Variants in PARD3B observed in about 807,000 individuals in gnomAD.
PARD3B encodes partitioning defective 3 homolog B.
Under a neutral mutation model 130.2 loss-of-function variants are expected in PARD3B, and 103 were observed. The ratio of observed to expected loss-of-function variants is 0.79; its 90% confidence interval spans 0.67 to 0.93. The LOEUF is 0.93. Among genes scored for constraint, PARD3B ranks in the 40% least tolerant of loss-of-function variants. The pLI, the probability that PARD3B is intolerant of heterozygous loss-of-function variation, is 0.00. For missense variants in PARD3B, 1,609 were observed against 1,499.2 expected (o/e 1.07, Z -1.21); for synonymous variants, 583 against 553.2 (o/e 1.05, Z -0.76).
intron 3 of PARD3B, among the ~76,000 whole-genome samples, chr2:205,028,978 G>A (rs1014167823): frequency 4.6e-5 from 7 of 152,108 alleles, no homozygotes; most frequent in Non-Finnish European, 1.0e-4. Context: ...TAATCTGGTA[G>A]ATCTTGGTTA....
chr2:205,368,216 A>G (rs988840284), intron 18 of PARD3B, among the ~76,000 whole-genome samples: 1 of 152,244 alleles, frequency 6.6e-6, no homozygotes, highest in African/African-American at 2.4e-5. Context: ...AATAAAGGAT[A>G]TACCAATACT....
intron 1 of PARD3B, among the ~76,000 whole-genome samples, chr2:204,566,928 G>C (rs1193289391): frequency 6.6e-6 from 1 of 150,814 alleles, no homozygotes; most frequent in Non-Finnish European, 1.5e-5. Context: ...TCCCAGGCTA[G>C]AGTGTAGTGG....
At chr2:205,164,944 G>T (rs187704147) in intron 11 of PARD3B, among the ~76,000 whole-genome samples, 1 of 151,038 alleles carries the variant, frequency 6.6e-6, no homozygotes, top group Non-Finnish European at 1.5e-5. Context: ...ACACGTTTTT[G>T]TTCTAGCATT....
At chr2:204,736,294 T>C (rs1368850599) in intron 2 of PARD3B, among the ~76,000 whole-genome samples, 1 of 152,204 alleles carries the variant, frequency 6.6e-6, no homozygotes, top group Non-Finnish European at 1.5e-5. Context: ...TTCATTTCCA[T>C]AGCATTTGGG....
chr2:205,292,054 C>A lies in PARD3B; in HGVS notation c.2186-8476C>A, dbSNP rs2041628748. ...GCATGCTGCATAGGGCAGCCAAACA[C>A]CACTGGGTTCTATTCCTTGTGCTGT... On this transcript the variant is annotated intron_variant, in intron 16 of 22. Transcript: ENST00000406610. The surrounding 1 kb of genome is among the most constrained non-coding windows in gnomAD (Gnocchi z 5.3). 6.6e-6 allele frequency among the ~76,000 whole-genome samples: 1 copy of A among 152,178 alleles called. No individual in the cohort carries two copies. Among genetic ancestry groups the A allele is most frequent in the South Asian group, 2.1e-4 (1 of 4,828 alleles).
intron 1 of PARD3B, among the ~76,000 whole-genome samples, chr2:204,656,728 A>G (rs1313972271): frequency 2.0e-5 from 3 of 152,186 alleles, no homozygotes; most frequent in Non-Finnish European, 4.4e-5. Context: ...TACCTTCTAC[A>G]TTCTAAATAT....
chr2:205,506,319 G>A (rs1245100573), intron 21 of PARD3B, among the ~76,000 whole-genome samples: 1 of 144,708 alleles, frequency 6.9e-6, no homozygotes, highest in Non-Finnish European at 1.5e-5. Flanking sequence ...GTGACAGAGT[G>A]AGACTCTGTC....
rs912504566 is a variant in PARD3B, at chr2:204,688,969, C to T, written c.222+2687C>T. ...CACCTCCTAGGAAAGACTCTCACTC[C>T]AGGTGAGAAGTGGCATTAAGGAACT... On this transcript the variant is annotated intron_variant, in intron 2 of 22. Coordinates refer to ENST00000406610, the MANE Select transcript of PARD3B (RefSeq NM_001302769.2). Among the ~76,000 whole-genome samples the T allele has an allele frequency of 2.0e-5, 3 of 152,130 alleles. No homozygotes were observed. The East Asian group carries it at 5.8e-4, about 29-fold the overall frequency.
chr2:205,472,977 A>G (rs2048891468), intron 20 of PARD3B, among the ~76,000 whole-genome samples: 1 of 152,178 alleles, frequency 6.6e-6, no homozygotes, highest in Non-Finnish European at 1.5e-5. Context: ...GAATGAATGA[A>G]TGAATGGAAA....
intron 2 of PARD3B, among the ~76,000 whole-genome samples, chr2:204,771,006 A>G (rs2041349183): frequency 6.6e-6 from 1 of 152,082 alleles, no homozygotes; most frequent in Non-Finnish European, 1.5e-5. Context: ...AATTGAAATG[A>G]TATAAATTAG....
intron 1 of PARD3B, among the ~76,000 whole-genome samples, chr2:204,665,977 A>G (rs567254993): frequency 6.6e-6 from 1 of 152,312 alleles, no homozygotes; most frequent in African/African-American, 2.4e-5. Flanking sequence ...GCCTACTGGT[A>G]TGAATTTTCC....
intron 1 of PARD3B, among the ~76,000 whole-genome samples, chr2:204,579,322 C>T (rs1034007078): frequency 9.2e-5 from 14 of 151,742 alleles, no homozygotes; most frequent in Admixed American, 2.6e-4. Context: ...GGCCAGGGTC[C>T]GGTCCCTCCT....
At chr2:205,382,409 T>G (rs78357837) in intron 18 of PARD3B, among the ~76,000 whole-genome samples, 4,938 of 152,222 alleles carry the variant, frequency 0.032, 243 homozygotes, top group African/African-American at 0.11. Context: ...TGATGTATCT[T>G]ATAACTAGTG....
intron 22 of PARD3B, among the ~76,000 whole-genome samples, chr2:205,606,709 C>G (rs747842670): frequency 6.6e-6 from 1 of 152,232 alleles, no homozygotes; most frequent in Non-Finnish European, 1.5e-5. Context: ...AGGAATGTCT[C>G]TGTTTCCAGA....
intron 21 of PARD3B, among the ~76,000 whole-genome samples, chr2:205,529,831 G>C (rs2051508592): frequency 6.6e-6 from 1 of 152,138 alleles, no homozygotes; most frequent in Non-Finnish European, 1.5e-5. Flanking sequence ...TTTGAGTAGA[G>C]AACAGATGCA....
chr2:205,353,094 G>A (rs80119451), intron 18 of PARD3B, among the ~76,000 whole-genome samples: 7 of 152,214 alleles, frequency 4.6e-5, no homozygotes, highest in East Asian at 1.9e-4. Flanking sequence ...TCTTTAACTC[G>A]TTACTGTGTC....
intron 10 of PARD3B, among the ~76,000 whole-genome samples, chr2:205,140,538 T>C (rs896804950): frequency 6.9e-6 from 1 of 144,598 alleles, no homozygotes; most frequent in East Asian, 2.1e-4. Flanking sequence ...TTTGAGAGAA[T>C]ATGGGAGATC....
intron 2 of PARD3B, among the ~76,000 whole-genome samples, chr2:204,820,702 C>A (rs187743567): frequency 3.1e-4 from 47 of 152,050 alleles, no homozygotes; most frequent in African/African-American, 8.7e-4. Context: ...ATAATCCAAG[C>A]TACTTGGGAG....
chr2:205,270,967 T>C (rs1350572156), intron 16 of PARD3B, among the ~76,000 whole-genome samples: 2 of 151,890 alleles, frequency 1.3e-5, no homozygotes, highest in Non-Finnish European at 2.9e-5. Flanking sequence ...TCGCCTCTCC[T>C]CCAGAGGCAA....
Sources: allele counts gnomAD v4.1 joint callset (sites outside exome capture counted in the v4.1 genomes callset), GRCh38; gene constraint gnomAD v4.1.1; non-coding constraint Gnocchi (gnomAD v3.1); transcripts MANE v1.5; gene names NCBI Gene and HGNC (gene_info 2026-07-23, HGNC 2026-07-21).